Variants in HDAC9 observed in about 807,000 individuals in gnomAD.
The protein encoded by HDAC9 is histone deacetylase 9.
HDAC9 carries 41 observed loss-of-function variants against 139.4 expected under a neutral mutation model. The ratio of observed to expected loss-of-function variants is 0.29; its 90% CI spans 0.23 to 0.38. HDAC9 has a LOEUF of 0.38. HDAC9 is among the 10% of genes least tolerant of loss of function. HDAC9 has a pLI of 1.00. For missense variants in HDAC9, 1,147 were observed against 1,297.0 expected, an observed-to-expected ratio of 0.88 and a Z score of 1.78; for synonymous variants, 517 against 476.2, an observed-to-expected ratio of 1.09 and a Z score of -1.12.
At chr7:18,695,717 C>G (rs943263591) in intron 12 of HDAC9, among the ~76,000 whole-genome samples, 1 of 152,108 alleles carries the variant, frequency 6.6e-6, no homozygotes. Flanking sequence ...CTTATCCTCA[C>G]CTGAACTTTC....
chr7:18,133,885 T>C (rs1785196265), intron 1 of HDAC9, among the ~76,000 whole-genome samples: 1 of 151,992 alleles, frequency 6.6e-6, no homozygotes, highest in Non-Finnish European at 1.5e-5. Flanking sequence ...GCAGTTATTC[T>C]TTAAAAATAT....
At chr7:18,580,563 C>G (rs1376693221) in intron 2 of HDAC9, among the ~76,000 whole-genome samples, 1 of 152,122 alleles carries the variant, frequency 6.6e-6, no homozygotes, top group African/African-American at 2.4e-5. Context: ...TTACATGTGT[C>G]ACAAGGTCTT....
intron 1 of HDAC9, among the ~76,000 whole-genome samples, chr7:18,482,295 G>C (rs988829568): frequency 4.2e-5 from 6 of 144,452 alleles, no homozygotes; most frequent in African/African-American, 1.5e-4. Context: ...TGCAATTTCA[G>C]CTGCTTGAGA....
At chr7:18,560,082 A>T (rs184716413) in intron 2 of HDAC9, among the ~76,000 whole-genome samples, 3 of 152,148 alleles carry the variant, frequency 2.0e-5, no homozygotes, top group Admixed American at 2.0e-4. Flanking sequence ...CCAAGAGGCA[A>T]TTTTTTTATT....
intron 22 of HDAC9, among the ~76,000 whole-genome samples, chr7:18,911,171 A>G (rs1359432565): frequency 6.8e-6 from 1 of 147,790 alleles, no homozygotes; most frequent in Non-Finnish European, 1.5e-5. Context: ...TTCTGGTTTA[A>G]TCATGGTAGG....
chr7:18,311,986 C>A (rs1199012067), intron 1 of HDAC9, among the ~76,000 whole-genome samples: 3 of 152,098 alleles, frequency 2.0e-5, no homozygotes, highest in Non-Finnish European at 4.4e-5. Context: ...TTTAAACAAT[C>A]TAAAGAACAG....
In HDAC9 at chr7:18,188,428, C is replaced by T. The variant is rs1179059464; in HGVS notation, c.25+26079C>T. ...AAAACCTAGGCAGTTTCATTCAGGA[C>T]GTAGGCATGAGCAAAGACTTCATGA... On this transcript the variant is annotated intron_variant, in intron 2 of 12. Transcript: ENST00000417496. Among the ~76,000 whole-genome samples the T allele has an allele frequency of 3.3e-5, 5 of 152,150 alleles. No homozygotes were observed. The East Asian group carries it at 5.8e-4, about 18-fold the overall frequency.
chr7:18,647,745 G>A, intron 9 of HDAC9, 40 bp from the exon 10 acceptor site: 1 of 1,520,400 alleles, frequency 6.6e-7, no homozygotes, highest in Non-Finnish European at 8.9e-7. Flanking sequence ...GACCCACATG[G>A]ATGAAAGAGG....
chr7:18,937,394 G>C (rs1446524716), intron 23 of HDAC9, among the ~76,000 whole-genome samples: 2 of 152,054 alleles, frequency 1.3e-5, no homozygotes, highest in African/African-American at 4.8e-5. Context: ...CTAATGATTA[G>C]TGTCAACAAA....
At chr7:18,139,126 T>A (rs1785691390) in intron 1 of HDAC9, among the ~76,000 whole-genome samples, 1 of 97,864 alleles carries the variant, frequency 1.0e-5, no homozygotes, top group Admixed American at 9.6e-5. Context: ...CTGGACTTTT[T>A]TTTTTTTTTT....
At chr7:18,431,098 T>G (rs1790613951) in intron 1 of HDAC9, among the ~76,000 whole-genome samples, 1 of 152,058 alleles carries the variant, frequency 6.6e-6, no homozygotes, top group African/African-American at 2.4e-5. Flanking sequence ...ACTCAGCCCA[T>G]CCCATCTCAG....
chr7:18,861,699 C>T (rs1468684243), intron 21 of HDAC9, among the ~76,000 whole-genome samples: 1 of 152,106 alleles, frequency 6.6e-6, no homozygotes, highest in African/African-American at 2.4e-5. Flanking sequence ...CAAGGAAAGT[C>T]CCTCATTGCC....
chr7:18,915,661 G>A (rs1803127192), intron 22 of HDAC9, among the ~76,000 whole-genome samples: 1 of 142,042 alleles, frequency 7.0e-6, no homozygotes, highest in Non-Finnish European at 1.5e-5. Context: ...AAAAAAAAAA[G>A]CAGTCGGAAC....
intron 2 of HDAC9, among the ~76,000 whole-genome samples, chr7:18,532,465 T>C (rs1052794558): frequency 3.3e-5 from 5 of 152,168 alleles, no homozygotes; most frequent in Non-Finnish European, 5.9e-5. Flanking sequence ...ATTTAAAATA[T>C]ACCAATTCCA....
intron 17 of HDAC9, among the ~76,000 whole-genome samples, chr7:18,806,261 A>T (rs190904140): frequency 2.6e-5 from 4 of 152,212 alleles, no homozygotes; most frequent in African/African-American, 9.6e-5. Flanking sequence ...GGTGGCTTAA[A>T]ACAATGCAAA....
chr7:18,668,033 C>T (rs539692969), intron 12 of HDAC9: 3 of 978,766 alleles, frequency 3.1e-6, no homozygotes, highest in South Asian at 4.7e-5. Context: ...GGAGATATAG[C>T]AGTTTTGCCA....
chr7:18,611,729 T>C (rs1245599037), intron 6 of HDAC9, among the ~76,000 whole-genome samples: 3 of 152,142 alleles, frequency 2.0e-5, no homozygotes, highest in Admixed American at 2.0e-4. Context: ...CTGATAAAAG[T>C]AGTGACTTAT....
chr7:18,534,231 C>T (rs1039220062), intron 2 of HDAC9, among the ~76,000 whole-genome samples: 36 of 152,114 alleles, frequency 2.4e-4, no homozygotes, highest in African/African-American at 8.7e-4. Flanking sequence ...TCAGTGGGTA[C>T]ATGTGTGTTT....
chr7:18,320,073 A>G (rs1262444440), intron 1 of HDAC9, among the ~76,000 whole-genome samples: 1 of 152,206 alleles, frequency 6.6e-6, no homozygotes, highest in Non-Finnish European at 1.5e-5. Flanking sequence ...GCTAGTCACT[A>G]TAGGCAGCCT....
Sources: gnomAD v4.1 joint callset for allele counts (sites outside exome capture counted in the v4.1 genomes callset) on GRCh38, gnomAD v4.1.1 for gene constraint, MANE v1.5 for transcripts, NCBI Gene and HGNC (gene_info 2026-07-23, HGNC 2026-07-21) for gene names.